JAK1: variants seen among roughly 807,000 people sequenced by gnomAD.
The protein encoded by JAK1 is tyrosine-protein kinase JAK1.
Under a neutral mutation model 136.6 loss-of-function variants are expected in JAK1, and 16 were observed. The ratio of observed to expected loss-of-function variants is 0.12; its 90% CI spans 0.08 to 0.18. The LOEUF (loss-of-function observed/expected upper bound fraction) is 0.18. Among genes scored for constraint, JAK1 ranks in the 10% least tolerant of loss-of-function variants. JAK1 has a pLI of 1.00. For synonymous variants in JAK1, 492 were observed against 519.5 expected, an observed-to-expected ratio of 0.95 and a Z score of 0.72; for missense variants, 859 against 1,450.1, an observed-to-expected ratio of 0.59 and a Z score of 6.62.
chr1:64,855,376 A>C, intron 11 of JAK1, 133 bp downstream of exon 11: 2 of 774,756 alleles, frequency 2.6e-6, no homozygotes, highest in Non-Finnish European at 4.1e-6. Context: ...AAGTGTAATT[A>C]AACTCAATAA....
chr1:65,047,044 C>T (rs1407463046), intron 1 of JAK1, among the ~76,000 whole-genome samples: 1 of 151,586 alleles, frequency 6.6e-6, no homozygotes, highest in East Asian at 2.0e-4. Context: ...AAAAAAATAG[C>T]TAGGCATCTT....
rs771505630 is a variant in JAK1 at position 64,873,530 on chromosome 1, G to A, written c.330-7C>T. ...CCAATTGGTGAAATAGAACCTGGAA[G>A]GCAGGAAAATGAATGCCAATTGTGG... On this transcript the variant is annotated splice_polypyrimidine_tract_variant and splice_region_variant and intron_variant, in intron 4 of 24. Transcript: ENST00000342505. The A allele has an allele frequency of 4.3e-6, 7 of 1,613,948 alleles. No individual in the cohort carries two copies. Among genetic ancestry groups the A allele is most frequent in the Non-Finnish European group, 5.9e-6 (7 of 1,179,952 alleles).
chr1:65,063,337 TC>T (rs1557782482), intron 1 of JAK1, among the ~76,000 whole-genome samples: 1 of 152,210 alleles, frequency 6.6e-6, no homozygotes, highest in East Asian at 1.9e-4. Context: ...ATCCCAATTT[TC>T]CCATGACACC....
intron 2 of JAK1, among the ~76,000 whole-genome samples, chr1:64,988,483 C>T (rs371368219): frequency 9.7e-4 from 147 of 152,170 alleles, no homozygotes; most frequent in African/African-American, 3.0e-3. Flanking sequence ...CTGTCCCCCC[C>T]ATAGAAACTC....
chr1:65,012,482 T>G (rs2100773077), intron 2 of JAK1, among the ~76,000 whole-genome samples: 1 of 152,148 alleles, frequency 6.6e-6, no homozygotes, highest in Admixed American at 6.5e-5. Context: ...AGAAATAAGA[T>G]TAGAAGTATC....
intron 2 of JAK1, among the ~76,000 whole-genome samples, chr1:64,996,023 C>G (rs1208284911): frequency 6.6e-6 from 1 of 152,198 alleles, no homozygotes; most frequent in Non-Finnish European, 1.5e-5. Flanking sequence ...GATTATAGGC[C>G]TGAGCCACTG....
At chr1:64,931,450 C>T (rs1467316636) in intron 1 of JAK1, among the ~76,000 whole-genome samples, 1 of 152,030 alleles carries the variant, frequency 6.6e-6, no homozygotes, top group Non-Finnish European at 1.5e-5. Context: ...TCCAAGTCCC[C>T]ACCTCCCCCA....
intron 1 of JAK1, among the ~76,000 whole-genome samples, chr1:64,934,284 CA>C (rs1432168558): frequency 1.3e-5 from 2 of 152,272 alleles, no homozygotes; most frequent in African/African-American, 4.8e-5. Flanking sequence ...ATAAATAACA[CA>C]AAGGCAAAAC....
rs71056069 is a variant in JAK1 at position 64,878,546 on chromosome 1, T to TTA, written c.329+477_329+478dup. Among the ~76,000 whole-genome samples, 7 of 135,746 alleles carry TTA rather than the reference T, an allele frequency of 5.2e-5. No homozygotes were observed. In the South Asian group the frequency reaches 7.3e-4, roughly 14 times the overall value. 89.1% of individuals were successfully genotyped at this position (135,746 alleles called of 152,430 possible). A position where few individuals can be genotyped will look rare whatever the true frequency, so the allele number is the denominator to read the frequency against. ...AGAAAAATATTTTATATCATGACCT[T>TTA]TATATATATAGTGTGTATATATATA... is the stretch of plus-strand genomic sequence containing the variant. On this transcript the variant is annotated intron_variant, in intron 4 of 24. Coordinates refer to ENST00000342505, the MANE Select transcript of JAK1 (RefSeq NM_002227.4).
chr1:64,916,797 G>A (rs1177721169), intron 1 of JAK1, among the ~76,000 whole-genome samples: 3 of 150,506 alleles, frequency 2.0e-5, no homozygotes, highest in Non-Finnish European at 4.4e-5. Context: ...AGATTCTGCC[G>A]CTGAACTCCA....
intron 1 of JAK1, among the ~76,000 whole-genome samples, chr1:64,929,672 G>A (rs1246017924): frequency 6.6e-6 from 1 of 152,152 alleles, no homozygotes; most frequent in Non-Finnish European, 1.5e-5. Context: ...TTTAGGGTAA[G>A]TAAATGGATG....
chr1:64,958,665 T>C (rs866554437), intron 1 of JAK1, among the ~76,000 whole-genome samples: 14 of 152,244 alleles, frequency 9.2e-5, no homozygotes, highest in African/African-American at 3.4e-4. Context: ...GATTATTTTT[T>C]CCTTGAGTTG....
intron 1 of JAK1, among the ~76,000 whole-genome samples, chr1:64,962,767 G>A (rs1646304864): frequency 6.6e-6 from 1 of 152,144 alleles, no homozygotes; most frequent in Admixed American, 6.5e-5. Context: ...AGCAAGGAAA[G>A]TATAAAAACA....
intron 17 of JAK1, 42 bp from the exon 18 acceptor site, chr1:64,841,643 C>T (rs904624752): frequency 1.2e-6 from 2 of 1,608,546 alleles, no homozygotes; most frequent in Non-Finnish European, 8.5e-7. Context: ...AAAGGAACCA[C>T]CTACAAACTT....
intron 2 of JAK1, among the ~76,000 whole-genome samples, chr1:64,884,779 T>C (rs1644827100): frequency 6.6e-6 from 1 of 152,180 alleles, no homozygotes; most frequent in South Asian, 2.1e-4. Flanking sequence ...CTCCATCCCA[T>C]TCCCTAAGGC....
At chr1:64,953,465 G>C (rs558601206) in intron 1 of JAK1, among the ~76,000 whole-genome samples, 13 of 152,198 alleles carry the variant, frequency 8.5e-5, no homozygotes, top group African/African-American at 3.1e-4. Context: ...GGTACGCTCA[G>C]ACCCACACAG....
At chr1:64,986,443 T>A (rs1173093181) in intron 2 of JAK1, among the ~76,000 whole-genome samples, 1 of 152,104 alleles carries the variant, frequency 6.6e-6, no homozygotes, top group Non-Finnish European at 1.5e-5. Context: ...AAGAAAGATC[T>A]AGGAGTGTGA....
intron 3 of JAK1, among the ~76,000 whole-genome samples, chr1:64,880,236 A>T (rs1250382404): frequency 6.6e-6 from 1 of 152,214 alleles, no homozygotes; most frequent in Non-Finnish European, 1.5e-5. Flanking sequence ...ATGCTTCTCA[A>T]GCAATATGAA....
At chr1:64,999,193 G>A (rs1646730642) in intron 2 of JAK1, among the ~76,000 whole-genome samples, 1 of 152,136 alleles carries the variant, frequency 6.6e-6, no homozygotes, top group African/African-American at 2.4e-5. Context: ...TTCTCCTGTT[G>A]CTATGTGAAC....
Sources: allele counts gnomAD v4.1 joint callset (sites outside exome capture counted in the v4.1 genomes callset), GRCh38; gene constraint gnomAD v4.1.1; transcripts MANE v1.5; gene names NCBI Gene and HGNC (gene_info 2026-07-23, HGNC 2026-07-21).